The following STOM variants were observed in gnomAD, a reference collection of about 807,000 sequenced individuals.
The protein encoded by STOM is erythrocyte band 7 integral membrane protein.
STOM carries 25 observed loss-of-function variants against 30.6 expected under a neutral mutation model. That is an observed-to-expected ratio of 0.82 (90% CI 0.60 to 1.14). The LOEUF is 1.14. Ranked by LOEUF, STOM falls within the 50% of genes most tolerant of loss-of-function variation. The pLI is 0.00. For synonymous variants in STOM, 118 were observed against 130.8 expected, an observed-to-expected ratio of 0.90 and a Z score of 0.67; for missense variants, 292 against 365.2, an observed-to-expected ratio of 0.80 and a Z score of 1.63.
chr9:121,351,635 T>G (rs998687916), intron 4 of STOM, among the ~76,000 whole-genome samples: 11 of 152,232 alleles, frequency 7.2e-5, no homozygotes, highest in Non-Finnish European at 1.6e-4. Context: ...TCGGGGGCTA[T>G]GAGGGAGCTC....
intron 1 of STOM, among the ~76,000 whole-genome samples, chr9:121,362,508 T>C (rs1013540507): frequency 2.6e-5 from 4 of 152,240 alleles, no homozygotes; most frequent in African/African-American, 9.6e-5. Context: ...ACTGCTGCAT[T>C]GAATATATAT....
intron 1 of STOM, among the ~76,000 whole-genome samples, chr9:121,359,879 A>G (rs544062650): frequency 6.6e-6 from 1 of 152,312 alleles, no homozygotes; most frequent in Admixed American, 6.5e-5. Flanking sequence ...ATGAAATCTG[A>G]TATTTTTACA....
intron 1 of STOM, among the ~76,000 whole-genome samples, chr9:121,361,298 T>C (rs2064448522): frequency 6.6e-6 from 1 of 151,986 alleles, no homozygotes; most frequent in South Asian, 2.1e-4. Flanking sequence ...GTTTCCCATG[T>C]ATTACTTTAG....
intron 6 of STOM, among the ~76,000 whole-genome samples, chr9:121,346,135 G>A (rs1229184348): frequency 1.3e-5 from 2 of 151,998 alleles, no homozygotes; most frequent in Admixed American, 6.5e-5. Flanking sequence ...GATTACAGGC[G>A]CCTACCACCA....
chr9:121,362,373 TC>T (rs1353489162), intron 1 of STOM, among the ~76,000 whole-genome samples: 1 of 152,170 alleles, frequency 6.6e-6, no homozygotes, highest in East Asian at 1.9e-4. Context: ...TAAAATCTTC[TC>T]CCTCCCATCC....
intron 1 of STOM, among the ~76,000 whole-genome samples, chr9:121,367,057 A>G (rs944763247): frequency 1.3e-5 from 2 of 152,148 alleles, no homozygotes; most frequent in African/African-American, 2.4e-5. Flanking sequence ...TGGGCAACAG[A>G]GCAAGACCCG....
intron 1 of STOM, among the ~76,000 whole-genome samples, chr9:121,359,081 A>G (rs988667285): frequency 1.3e-5 from 2 of 152,166 alleles, no homozygotes; most frequent in Non-Finnish European, 2.9e-5. Flanking sequence ...TTTCTTATCA[A>G]CCACTTGGAA....
chr9:121,340,904 C>T lies in STOM; in HGVS notation c.*298G>A, dbSNP rs41273436. 0.019 allele frequency: 22,509 copies of T among 1,212,716 alleles called. 1,054 individuals are homozygous for T. Among genetic ancestry groups the T allele is most frequent in the Admixed American group, 0.18 (4,815 of 27,012 alleles). The allele number at this position is 1,212,716 out of a possible 1,614,324, so 75.1% of individuals were successfully genotyped here. On this transcript the variant is annotated 3_prime_UTR_variant, in exon 7 of 7. Coordinates refer to ENST00000286713, the MANE Select transcript of STOM (RefSeq NM_004099.6). ...CAGGTTCTTGCCTCTGGCCTGGGTG[C>T]TTAGGGGGTTCAGAATGAGTCAGTG...
intron 4 of STOM, among the ~76,000 whole-genome samples, chr9:121,352,079 A>C (rs2134030492): frequency 6.6e-6 from 1 of 152,312 alleles, no homozygotes; most frequent in Middle Eastern, 3.4e-3. Context: ...TGTAATAATC[A>C]TTCCTCGGTA....
chr9:121,368,812 C>T (rs988189600), intron 1 of STOM, among the ~76,000 whole-genome samples: 15 of 151,600 alleles, frequency 9.9e-5, no homozygotes, highest in African/African-American at 3.2e-4. Flanking sequence ...TGGTGGTGCA[C>T]GCCTGTAATC....
At chr9:121,359,794 A>T (rs1327327281) in intron 1 of STOM, among the ~76,000 whole-genome samples, 2 of 152,206 alleles carry the variant, frequency 1.3e-5, no homozygotes, top group Non-Finnish European at 2.9e-5. Flanking sequence ...AAAAATCCTC[A>T]TTAAGAATGT....
Position 121,340,424 on chromosome 9 carries a change from T to A in STOM, c.*778A>T. On this transcript the variant is annotated 3_prime_UTR_variant, in exon 7 of 7. Coordinates refer to ENST00000286713, the MANE Select transcript of STOM (RefSeq NM_004099.6). ...TCTGGATTTAGAAAATAAATGAACA[T>A]TAGGGAAATTTCCTTAATTAAGACT... 1 of 985,334 alleles carries A rather than the reference T, an allele frequency of 1.0e-6. No individual in the cohort carries two copies. The highest frequency in any genetic ancestry group is 1.2e-6 in the Non-Finnish European group (1 of 829,916). 61.0% of individuals were successfully genotyped at this position (985,334 alleles called of 1,614,324 possible). A position where few individuals can be genotyped will look rare whatever the true frequency, so the allele number is the denominator to read the frequency against.
At chr9:121,361,491 C>T (rs2064452026) in intron 1 of STOM, among the ~76,000 whole-genome samples, 1 of 150,642 alleles carries the variant, frequency 6.6e-6, no homozygotes, top group Admixed American at 6.7e-5. Flanking sequence ...TGGGTTCACG[C>T]CATTCTCTTG....
intron 6 of STOM, among the ~76,000 whole-genome samples, chr9:121,342,871 T>C (rs1023850318): frequency 6.6e-6 from 1 of 152,060 alleles, no homozygotes; most frequent in Non-Finnish European, 1.5e-5. Context: ...ATCACTCGAG[T>C]AGTAGACAGA....
Position 121,341,192 on chromosome 9 carries a change from C to T in STOM, c.*10G>A. On this transcript the variant is annotated 3_prime_UTR_variant, in exon 7 of 7. Coordinates refer to ENST00000286713, the MANE Select transcript of STOM (RefSeq NM_004099.6). ...ACTTCATGCTTGGAAGGCTAGCGCT[C>T]ATCTCTACACTAGCCTAGATGGCTG... 3 of 1,614,022 alleles carry T rather than the reference C, an allele frequency of 1.9e-6. No homozygotes were observed. The highest frequency in any genetic ancestry group is 2.5e-6 in the Non-Finnish European group (3 of 1,180,004).
chr9:121,358,463 A>AAAGGAAGGAAGGAAGG (rs560934797), intron 1 of STOM, among the ~76,000 whole-genome samples: 4 of 151,884 alleles, frequency 2.6e-5, no homozygotes, highest in African/African-American at 9.7e-5. Context: ...GAAAGAAAGA[A>AAAGGAAGGAAGGAAGG]AAGGAAGGAA....
At chr9:121,348,172 G>T in intron 5 of STOM, 23 bp from the exon 6 acceptor site, 1 of 1,613,916 alleles carries the variant, frequency 6.2e-7, no homozygotes. Context: ...GAGAAGGCAA[G>T]CTAAATCTCC....
chr9:121,357,039 T>C (rs927478159), intron 1 of STOM, among the ~76,000 whole-genome samples: 1 of 152,154 alleles, frequency 6.6e-6, no homozygotes, highest in Non-Finnish European at 1.5e-5. Flanking sequence ...GCATTTTAGC[T>C]AGGAGTACAG....
chr9:121,344,241 C>G (rs1482658300), intron 6 of STOM, among the ~76,000 whole-genome samples: 1 of 152,180 alleles, frequency 6.6e-6, no homozygotes, highest in African/African-American at 2.4e-5. Context: ...AAGAAAACCA[C>G]AGAACTGTAT....
Sources: allele counts gnomAD v4.1 joint callset (sites outside exome capture counted in the v4.1 genomes callset), GRCh38; gene constraint gnomAD v4.1.1; transcripts MANE v1.5; gene names NCBI Gene and HGNC (gene_info 2026-07-23, HGNC 2026-07-21).